Variants in FZD4 observed in about 807,000 individuals in gnomAD.
FZD4 encodes frizzled-4.
FZD4 carries 16 observed loss-of-function variants against 37.3 expected under a neutral mutation model. The observed-to-expected ratio is 0.43, with a 90% CI of 0.29 to 0.65. FZD4 has a LOEUF of 0.65. Among genes scored for constraint, FZD4 ranks in the 30% least tolerant of loss-of-function variants. The pLI is 0.16. For synonymous variants in FZD4, 246 were observed against 254.8 expected (o/e 0.97, Z 0.33); for missense variants, 599 against 674.3 (o/e 0.89, Z 1.24).
At chr11:86,954,660 G>A (rs975150569) in intron 1 of FZD4, 141 bp downstream of exon 1, 1 of 1,438,016 alleles carries the variant, frequency 7.0e-7, no homozygotes, top group African/African-American at 1.4e-5. Flanking sequence ...CTGAGAAAGT[G>A]GGGGTGGGGA....
In FZD4 at chr11:86,954,854, G is replaced by C; in HGVS notation, c.232C>G (p.Gln78Glu). The C allele has an allele frequency of 6.2e-7, 1 of 1,613,342 alleles. No individual in the cohort carries two copies. The highest frequency in any genetic ancestry group is 8.5e-7 in the Non-Finnish European group (1 of 1,179,826). ...GHELQTDAEL[Q>E]LTTFTPLIQY... ...ATGAGCGGTGTGAAAGTTGTCAGCT[G>C]CAGCTCGGCGTCCGTCTGCAGCTCG... Residue 78 changes from glutamine to glutamate, a missense_variant, in exon 1 of 2, where the codon CAG becomes GAG. Gln to Glu is a conservative substitution (Grantham distance 29). This residue lies in a region of FZD4 where 357 missense variants were observed against 396.1 expected (regional missense o/e 0.90). Coordinates refer to ENST00000531380, the MANE Select transcript of FZD4 (RefSeq NM_012193.4).
Position 86,952,119 on chromosome 11 carries a change from G to A in FZD4, c.637C>T (p.Arg213Cys), listed in dbSNP as rs370046062. 9 of 1,613,916 alleles carry A rather than the reference G, an allele frequency of 5.6e-6. No homozygotes were observed. Among genetic ancestry groups the A allele is most frequent in the South Asian group, 1.1e-5 (1 of 91,056 alleles). Residue 213 changes from arginine (R) to cysteine (C), a missense_variant, in exon 2 of 2, where the codon CGC becomes TGC. Arg to Cys is a radical substitution (Grantham distance 180). Transcript: ENST00000531380. ...KCGYDAGLYSRSAKEFTDIWM... is the reference protein window; with the variant it reads ...KCGYDAGLYSCSAKEFTDIWM... Reference sequence around the variant, plus strand: ...ATATCAGTGAACTCCTTGGCTGAGCGGCTGTATAAGCCAGCATCATAGCCA... The same window carrying A: ...ATATCAGTGAACTCCTTGGCTGAGCAGCTGTATAAGCCAGCATCATAGCCA...
intron 1 of FZD4, among the ~76,000 whole-genome samples, chr11:86,953,258 G>A (rs1317539421): frequency 6.6e-6 from 1 of 152,204 alleles, no homozygotes; most frequent in African/African-American, 2.4e-5. Context: ...TTTCCAGCAT[G>A]TAAAGGGATC....
rs2135039184 is a variant in FZD4, at chr11:86,950,929, C to G, written c.*213G>C. The G allele has an allele frequency of 3.2e-6, 2 of 619,294 alleles. No individual in the cohort carries two copies. Among genetic ancestry groups the G allele is most frequent in the Non-Finnish European group, 5.7e-6 (2 of 350,784 alleles). The allele number at this position is 619,294 out of a possible 1,614,324, so 38.4% of individuals were successfully genotyped here. A position where few individuals can be genotyped will look rare whatever the true frequency, so the allele number is the denominator to read the frequency against. ...CACAGCTTTGAAAGCCTCTAACTGG[C>G]TTTTCCATTTTGGATCATTCCAAAG... On this transcript the variant is annotated 3_prime_UTR_variant, in exon 2 of 2. Coordinates refer to ENST00000531380, the MANE Select transcript of FZD4 (RefSeq NM_012193.4).
chr11:86,954,830 T>G lies in FZD4; in HGVS notation c.256A>C (p.Ile86Leu). Residue 86 changes from isoleucine (I) to leucine (L), a missense_variant, in exon 1 of 2, where the codon ATC becomes CTC. Ile to Leu is a conservative substitution (Grantham distance 5). This residue lies in a region of FZD4 where 357 missense variants were observed against 396.1 expected (regional missense o/e 0.90). Coordinates refer to ENST00000531380, the MANE Select transcript of FZD4 (RefSeq NM_012193.4). Reference protein sequence around the residue: ...ELQLTTFTPLIQYGCSSQLQF... With the variant: ...ELQLTTFTPLLQYGCSSQLQF... ...AGCTGGCTGGAGCAGCCGTACTGGA[T>G]GAGCGGTGTGAAAGTTGTCAGCTGC... 1 of 1,612,264 alleles carries G rather than the reference T, an allele frequency of 6.2e-7. No individual in the cohort carries two copies. The highest frequency in any genetic ancestry group is 1.1e-5 in the South Asian group (1 of 90,750).
At position 86,950,939 on chromosome 11, in the gene FZD4, T is replaced by C. The variant is rs3740661; in HGVS notation, c.*203A>G. 6,709 of 634,988 alleles carry C rather than the reference T, an allele frequency of 0.011. 119 individuals carry two copies. Among genetic ancestry groups the C allele is most frequent in the South Asian group, 0.039 (2,096 of 53,330 alleles). The allele number at this position is 634,988 out of a possible 1,614,324, so 39.3% of individuals were successfully genotyped here. ...AAAGCCTCTAACTGGCTTTTCCATT[T>C]TGGATCATTCCAAAGTCTGCAGCAA... On this transcript the variant is annotated 3_prime_UTR_variant, in exon 2 of 2. Transcript: ENST00000531380.
chr11:86,952,135 A>T lies in FZD4; in HGVS notation c.621T>A (p.Asp207Glu). ...TGGCTGAGCGGCTGTATAAGCCAGC[A>T]TCATAGCCACACTTGAGCACACAGT... is the stretch of plus-strand genomic sequence containing the variant. ...SLNCVLKCGY[D>E]AGLYSRSAKE... The change falls in exon 2 of 2, where the codon GAT becomes GAA. Residue 207 changes from aspartate (D) to glutamate (E), a missense_variant. By Grantham distance (45) the Asp-to-Glu change is conservative. Transcript: ENST00000531380. 1 of 1,613,316 alleles carries T rather than the reference A, an allele frequency of 6.2e-7. No homozygotes were observed. The highest frequency in any genetic ancestry group is 8.5e-7 in the Non-Finnish European group (1 of 1,179,392).
At position 86,950,470 on chromosome 11, in the gene FZD4, G is replaced by A. The variant is rs886048730; in HGVS notation, c.*672C>T. 2.0e-5 allele frequency: 3 copies of A among 152,842 alleles called. No homozygotes were observed. The highest frequency in any genetic ancestry group is 4.4e-5 in the Non-Finnish European group (3 of 68,212). The allele number at this position is 152,842 out of a possible 1,614,324, so 9.5% of individuals were successfully genotyped here. A position where few individuals can be genotyped will look rare whatever the true frequency, so the allele number is the denominator to read the frequency against. On this transcript the variant is annotated 3_prime_UTR_variant, in exon 2 of 2. Transcript: ENST00000531380. ...TTGAAATTTAAGAGAGGAAGACAGA[G>A]AAGAAAAATCCACTGGATACCTTAT...
In FZD4 at chr11:86,949,235, G is replaced by A. The variant is rs1015676354; in HGVS notation, c.*1907C>T. 4.6e-5 allele frequency: 7 copies of A among 152,070 alleles called. No homozygotes were observed. The highest frequency in any genetic ancestry group is 4.4e-5 in the Non-Finnish European group (3 of 68,028). 9.4% of individuals were successfully genotyped at this position (152,070 alleles called of 1,614,324 possible). On this transcript the variant is annotated 3_prime_UTR_variant, in exon 2 of 2. Transcript: ENST00000531380. ...CGACTTTACATGCATCTTGATGTCA[G>A]AGAGCTCAAGAACCACACAAAAACA... is the stretch of plus-strand genomic sequence containing the variant.
rs978619813 is a variant in FZD4, at chr11:86,950,823, C to T, written c.*319G>A. On this transcript the variant is annotated 3_prime_UTR_variant, in exon 2 of 2. Coordinates refer to ENST00000531380, the MANE Select transcript of FZD4 (RefSeq NM_012193.4). ...CCCACCCTGCAGGGGAAAACAGTAT[C>T]GCCCTGGACTTCCTGGAATCTAGGC... 7 of 414,422 alleles carry T rather than the reference C, an allele frequency of 1.7e-5. No homozygotes were observed. The highest frequency in any genetic ancestry group is 1.2e-4 in the African/African-American group (6 of 49,812). The allele number at this position is 414,422 out of a possible 1,614,324, so 25.7% of individuals were successfully genotyped here. A position where few individuals can be genotyped will look rare whatever the true frequency, so the allele number is the denominator to read the frequency against.
intron 1 of FZD4, 144 bp from the exon 2 acceptor site, chr11:86,952,614 C>T (rs1191122274): frequency 3.6e-6 from 3 of 824,032 alleles, no homozygotes; most frequent in Non-Finnish European, 5.9e-6. Flanking sequence ...TGTCTGTTTA[C>T]TCTGACCTCA....
Position 86,951,183 on chromosome 11 carries a change from C to A in FZD4, c.1573G>T (p.Gly525Cys). 1 of 1,614,054 alleles carries A rather than the reference C, an allele frequency of 6.2e-7. No homozygotes were observed. The highest frequency in any genetic ancestry group is 1.3e-5 in the African/African-American group (1 of 75,028). ...CTGCCTTTTCCAGGCTTCACCCAAC[C>A]ATTTCCTCTCTTCTCTCTCTTTACC... ...GKVKREKRGN[G>C]WVKPGKGSET... Residue 525 changes from glycine to cysteine, a missense_variant, in exon 2 of 2, where the codon GGT becomes TGT. Physicochemically the swap from Gly to Cys is radical, Grantham distance 159. Coordinates refer to ENST00000531380, the MANE Select transcript of FZD4 (RefSeq NM_012193.4).
chr11:86,955,029 G>A lies in FZD4; in HGVS notation c.57C>T (p.Leu19=), dbSNP rs763482999. 2 of 1,610,352 alleles carry A rather than the reference G, an allele frequency of 1.2e-6. No individual in the cohort carries two copies. The highest frequency in any genetic ancestry group is 2.2e-5 in the East Asian group (1 of 44,766). The change falls in exon 1 of 2, where the codon CTC becomes CTT. Residue 19 remains leucine, a synonymous_variant. Transcript: ENST00000531380. The part of the protein sequence containing the change: ...SVPGAPGGVG[L]SLGLLLQLLL... ...GCAACTGCAGGAGCAACCCCAGACT[G>A]AGACCGACGCCCCCGGGCGCCCCCG...
chr11:86,953,581 T>C (rs565772237), intron 1 of FZD4, among the ~76,000 whole-genome samples: 31 of 152,050 alleles, frequency 2.0e-4, no homozygotes, highest in Non-Finnish European at 3.4e-4. Flanking sequence ...GTTTATTATC[T>C]CTCAGAAGTT....
In FZD4 at chr11:86,955,029, G is replaced by C; in HGVS notation, c.57C>G (p.Leu19=). ...GCAACTGCAGGAGCAACCCCAGACT[G>C]AGACCGACGCCCCCGGGCGCCCCCG... ...SVPGAPGGVG[L]SLGLLLQLLL... is the part of the protein sequence containing the mutation. Residue 19 remains leucine, a synonymous_variant, in exon 1 of 2, where the codon CTC becomes CTG. Coordinates refer to ENST00000531380, the MANE Select transcript of FZD4 (RefSeq NM_012193.4). 6.2e-7 allele frequency: 1 copy of C among 1,610,352 alleles called. No individual in the cohort carries two copies. Among genetic ancestry groups the C allele is most frequent in the Admixed American group, 1.7e-5 (1 of 59,892 alleles).
chr11:86,952,269 C>T lies in FZD4; in HGVS notation c.487G>A (p.Gly163Ser), dbSNP rs1949300846. The T allele has an allele frequency of 2.5e-6, 4 of 1,614,092 alleles. No individual in the cohort carries two copies. Among genetic ancestry groups the T allele is most frequent in the Middle Eastern group, 1.6e-4 (1 of 6,084 alleles). The change falls in exon 2 of 2, where the codon GGT (glycine) becomes AGT (serine). Residue 163 changes from glycine to serine, a missense_variant. Coordinates refer to ENST00000531380, the MANE Select transcript of FZD4 (RefSeq NM_012193.4). ...DHNHMCMEGP[G>S]DEEVPLPHKT... is the part of the protein sequence containing the mutation. ...TGAGGTAAGGGCACCTCTTCATCAC[C>T]TGGCCCTTCCATGCACATGTGGTTG...
chr11:86,954,633 G>T, intron 1 of FZD4, 168 bp downstream of exon 1: 1 of 985,338 alleles, frequency 1.0e-6, no homozygotes, highest in Non-Finnish European at 1.2e-6. Context: ...CTTACACAAC[G>T]TTTTGGCTTC....
intron 1 of FZD4, chr11:86,952,778 A>T (rs76149367): frequency 6.8e-4 from 140 of 207,110 alleles, no homozygotes; most frequent in Non-Finnish European, 1.2e-3. Context: ...AATAAATCTT[A>T]AAAAACTGGC....
At position 86,955,080 on chromosome 11, in the gene FZD4, G is replaced by A; in HGVS notation, c.6C>T (p.Ala2=). M[A]WRGAGPSVPG... is the part of the protein sequence containing the mutation. ...GGACGCTCGGCCCTGCGCCCCGCCA[G>A]GCCATGGCCAGCATCGGGGGTAGCA... Residue 2 remains alanine, a synonymous_variant, in exon 1 of 2, where the codon GCC becomes GCT. Coordinates refer to ENST00000531380, the MANE Select transcript of FZD4 (RefSeq NM_012193.4). 1 of 1,536,404 alleles carries A rather than the reference G, an allele frequency of 6.5e-7. No homozygotes were observed. Among genetic ancestry groups the A allele is most frequent in the Admixed American group, 2.0e-5 (1 of 49,160 alleles).
Sources: allele counts gnomAD v4.1 joint callset (sites outside exome capture counted in the v4.1 genomes callset), GRCh38; gene constraint gnomAD v4.1.1; regional missense constraint gnomAD v4.1.1; transcripts MANE v1.5; gene names NCBI Gene and HGNC (gene_info 2026-07-23, HGNC 2026-07-21).